The following SGCD variants were observed in gnomAD, a reference collection of about 807,000 sequenced individuals.
SGCD encodes delta-sarcoglycan.
In SGCD, 18 loss-of-function variants were observed where a neutral mutation model predicts 36.6. That is an observed-to-expected ratio of 0.49 (90% CI 0.34 to 0.73). The LOEUF is 0.73. Ranked by LOEUF, SGCD falls within the 30% of genes least tolerant of loss-of-function variation. The pLI is 0.01. For missense variants in SGCD, 387 were observed against 346.7 expected, an observed-to-expected ratio of 1.12 and a Z score of -0.92; for synonymous variants, 133 against 130.6, an observed-to-expected ratio of 1.02 and a Z score of -0.12.
intron 3 of SGCD, among the ~76,000 whole-genome samples, chr5:156,358,272 G>A (rs1200364542): frequency 6.6e-6 from 1 of 152,176 alleles, no homozygotes. Context: ...ATGCTTTATA[G>A]TTCATATAAG....
At chr5:156,186,328 A>G (rs930894597) in intron 3 of SGCD, among the ~76,000 whole-genome samples, 1 of 152,130 alleles carries the variant, frequency 6.6e-6, no homozygotes, top group East Asian at 1.9e-4. Flanking sequence ...GTTGTAATCT[A>G]TGTTGATATC....
At chr5:156,511,918 G>A (rs144597365) in intron 4 of SGCD, among the ~76,000 whole-genome samples, 1 of 152,252 alleles carries the variant, frequency 6.6e-6, no homozygotes, top group Non-Finnish European at 1.5e-5. Context: ...TGTTTTGGCT[G>A]GGTGTGGTGG....
chr5:156,072,037 A>G (rs1270722072), intron 1 of SGCD, among the ~76,000 whole-genome samples: 2 of 152,072 alleles, frequency 1.3e-5, no homozygotes, highest in Non-Finnish European at 2.9e-5. Flanking sequence ...TGCACGTGAG[A>G]TGGGTTTCCT....
chr5:156,519,146 G>C (rs530445872), intron 4 of SGCD, among the ~76,000 whole-genome samples: 4 of 151,946 alleles, frequency 2.6e-5, no homozygotes, highest in Admixed American at 1.3e-4. Context: ...AATGATAAAG[G>C]GGATATTATC....
chr5:156,242,277 G>A (rs1278400564), intron 3 of SGCD, among the ~76,000 whole-genome samples: 3 of 152,200 alleles, frequency 2.0e-5, no homozygotes, highest in Admixed American at 6.5e-5. Flanking sequence ...CATCCTTTAA[G>A]TAATGCAATT....
the SGCD span, among the ~76,000 whole-genome samples, chr5:155,731,507 TG>T: frequency 6.6e-6 from 1 of 152,218 alleles, no homozygotes; most frequent in South Asian, 2.1e-4. Context: ...TTTGTTTCTC[TG>T]GGGAGTCATG....
intron 3 of SGCD, among the ~76,000 whole-genome samples, chr5:156,359,875 G>T (rs1270557500): frequency 2.6e-5 from 4 of 152,148 alleles, no homozygotes; most frequent in Admixed American, 1.3e-4. Context: ...CTGTCATATT[G>T]TATGAATCAC....
rs1007387718 is a variant in SGCD, at chr5:156,237,794, G to A, written c.-43-91740G>A. Among the ~76,000 whole-genome samples, 4 of 151,982 alleles carry A rather than the reference G, an allele frequency of 2.6e-5. No individual in the cohort carries two copies. In the East Asian group the frequency reaches 5.8e-4, roughly 22 times the overall value. ...TCATTGTTAAGGTTAACATTCATTC[G>A]GTAAATATTATTGAGCCCCAACTAT... On this transcript the variant is annotated intron_variant, in intron 3 of 9. Transcript: ENST00000517913.
At chr5:156,106,651 C>G (rs910584983) in intron 1 of SGCD, among the ~76,000 whole-genome samples, 1 of 152,124 alleles carries the variant, frequency 6.6e-6, no homozygotes, top group African/African-American at 2.4e-5. Flanking sequence ...CTATACTTAA[C>G]TGTTCACAAC....
At chr5:156,588,395 G>C (rs1009622426) in intron 4 of SGCD, among the ~76,000 whole-genome samples, 2 of 152,056 alleles carry the variant, frequency 1.3e-5, no homozygotes, top group African/African-American at 4.8e-5. Flanking sequence ...ATGAAATACA[G>C]TCATACCCTC....
At chr5:155,804,882 T>C in the SGCD span, among the ~76,000 whole-genome samples, 338 of 152,338 alleles carry the variant, frequency 2.2e-3, no homozygotes, top group African/African-American at 7.7e-3. Flanking sequence ...CATGTGTAGG[T>C]TGAACATAGG....
At chr5:155,829,431 A>G in the SGCD span, among the ~76,000 whole-genome samples, 1 of 152,164 alleles carries the variant, frequency 6.6e-6, no homozygotes, top group South Asian at 2.1e-4. Flanking sequence ...TGATTCCTGT[A>G]AGATGCACTA....
intron 1 of SGCD, among the ~76,000 whole-genome samples, chr5:155,895,521 G>C (rs1756231148): frequency 6.6e-6 from 1 of 152,176 alleles, no homozygotes; most frequent in African/African-American, 2.4e-5. Context: ...TAACAATAGT[G>C]CAGACATTGC....
chr5:156,004,757 T>C (rs1184274184), intron 1 of SGCD, among the ~76,000 whole-genome samples: 5 of 152,238 alleles, frequency 3.3e-5, no homozygotes, highest in Non-Finnish European at 7.3e-5. Flanking sequence ...AAGTGCTCTA[T>C]AAATTGGGTA....
chr5:156,132,560 T>C (rs1238888374), intron 3 of SGCD, among the ~76,000 whole-genome samples: 2 of 141,364 alleles, frequency 1.4e-5, no homozygotes, highest in Admixed American at 7.5e-5. Flanking sequence ...GCTCCGCCTC[T>C]TGGGTTCATG....
At chr5:156,478,098 C>A (rs2127835208) in intron 3 of SGCD, among the ~76,000 whole-genome samples, 1 of 152,156 alleles carries the variant, frequency 6.6e-6, no homozygotes. Context: ...TATAGCATTT[C>A]TCGCCCTTAC....
At chr5:155,790,814 T>G in the SGCD span, among the ~76,000 whole-genome samples, 1 of 152,130 alleles carries the variant, frequency 6.6e-6, no homozygotes, top group Non-Finnish European at 1.5e-5. Context: ...AAGACAATGA[T>G]TTTATAGTAC....
chr5:156,171,965 G>A (rs1207082917), intron 3 of SGCD, among the ~76,000 whole-genome samples: 1 of 152,104 alleles, frequency 6.6e-6, no homozygotes, highest in Non-Finnish European at 1.5e-5. Flanking sequence ...AGGAAACTAA[G>A]GTTAGAGGAG....
At chr5:156,131,153 T>A (rs1448701229) in intron 3 of SGCD, among the ~76,000 whole-genome samples, 1 of 152,242 alleles carries the variant, frequency 6.6e-6, no homozygotes, top group Non-Finnish European at 1.5e-5. Flanking sequence ...GTGAACCTTC[T>A]AGATCATGGA....
Sources: gnomAD v4.1 joint callset for allele counts (sites outside exome capture counted in the v4.1 genomes callset) on GRCh38, gnomAD v4.1.1 for gene constraint, MANE v1.5 for transcripts, NCBI Gene and HGNC (gene_info 2026-07-23, HGNC 2026-07-21) for gene names.